The following CHCHD6 variants were observed in gnomAD, a reference collection of about 807,000 sequenced individuals.
The protein encoded by CHCHD6 is coiled-coil-helix-coiled-coil-helix domain containing 6.
Under a neutral mutation model 32.3 loss-of-function variants are expected in CHCHD6, and 28 were observed. The ratio of observed to expected loss-of-function variants is 0.87; its 90% CI spans 0.64 to 1.19. The LOEUF (loss-of-function observed/expected upper bound fraction) is 1.19. Among genes scored for constraint, CHCHD6 ranks in the 50% most tolerant of loss-of-function variants. The pLI is 0.00. For synonymous variants in CHCHD6, 122 were observed against 117.5 expected, an observed-to-expected ratio of 1.04 and a Z score of -0.25; for missense variants, 333 against 307.0, an observed-to-expected ratio of 1.08 and a Z score of -0.63.
At chr3:126,766,460 G>C (rs1200504422) in intron 4 of CHCHD6, 1 of 694,608 alleles carries the variant, frequency 1.4e-6, no homozygotes, top group Non-Finnish European at 2.7e-6. Context: ...TTGTATTCTG[G>C]TAGTTTCTTG....
chr3:126,834,598 G>A (rs770113951), intron 4 of CHCHD6, among the ~76,000 whole-genome samples: 3 of 152,134 alleles, frequency 2.0e-5, no homozygotes, highest in Non-Finnish European at 2.9e-5. Flanking sequence ...TGTGGTCTCC[G>A]TCAAGCCAAT....
At position 126,720,135 on chromosome 3, in the gene CHCHD6, G is replaced by T. The variant is rs1559802917; in HGVS notation, c.88-6943G>T. Reference sequence around the variant, plus strand: ...GACCTCAGGTGATCCACCTGCCTCGGCCTCCCAAAGAGCTGAGATTGGAGG... The same window carrying T: ...GACCTCAGGTGATCCACCTGCCTCGTCCTCCCAAAGAGCTGAGATTGGAGG... On this transcript the variant is annotated intron_variant, in intron 1 of 7. Transcript: ENST00000290913. Among the ~76,000 whole-genome samples, 4 of 152,178 alleles carry T rather than the reference G, an allele frequency of 2.6e-5. No individual in the cohort carries two copies. The South Asian group carries it at 8.3e-4, about 32-fold the overall frequency.
chr3:126,719,905 A>G (rs901780262), intron 1 of CHCHD6, among the ~76,000 whole-genome samples: 1 of 151,280 alleles, frequency 6.6e-6, no homozygotes, highest in African/African-American at 2.4e-5. Context: ...TTTGAGACAG[A>G]GTTTCACTCT....
At chr3:126,892,099 C>T (rs2077769584) in intron 5 of CHCHD6, among the ~76,000 whole-genome samples, 1 of 152,284 alleles carries the variant, frequency 6.6e-6, no homozygotes, top group East Asian at 1.9e-4. Context: ...GGACCCAAAA[C>T]CTCGGCTCTG....
chr3:126,938,855 C>T (rs997763901), intron 6 of CHCHD6, among the ~76,000 whole-genome samples: 8 of 152,100 alleles, frequency 5.3e-5, no homozygotes, highest in Non-Finnish European at 1.0e-4. Flanking sequence ...TTCCTGCCAC[C>T]GGCAGCGATC....
chr3:126,931,038 G>T (rs138506148), intron 6 of CHCHD6, among the ~76,000 whole-genome samples: 1 of 152,222 alleles, frequency 6.6e-6, no homozygotes. Flanking sequence ...CAGACTGGCT[G>T]CCCTGTCATC....
chr3:126,862,568 C>T (rs1221039863), intron 5 of CHCHD6, among the ~76,000 whole-genome samples: 3 of 139,348 alleles, frequency 2.2e-5, no homozygotes, highest in African/African-American at 2.7e-5. Flanking sequence ...TCCACCATCA[C>T]CACCTCCTCC....
intron 4 of CHCHD6, among the ~76,000 whole-genome samples, chr3:126,786,198 G>T (rs1340068845): frequency 1.3e-5 from 2 of 152,152 alleles, no homozygotes; most frequent in African/African-American, 4.8e-5. Flanking sequence ...TGGTGTATAT[G>T]TGCCACATTT....
intron 4 of CHCHD6, chr3:126,767,115 T>C: frequency 6.8e-7 from 1 of 1,460,710 alleles, no homozygotes; most frequent in Non-Finnish European, 9.6e-7. Flanking sequence ...CCATCCGAGT[T>C]GTGTCCCAGC....
At chr3:126,781,985 G>A (rs567927169) in intron 4 of CHCHD6, among the ~76,000 whole-genome samples, 1 of 152,286 alleles carries the variant, frequency 6.6e-6, no homozygotes, top group Admixed American at 6.5e-5. Context: ...AGAAACAGAT[G>A]TAAGATCTGC....
intron 1 of CHCHD6, among the ~76,000 whole-genome samples, chr3:126,709,764 A>T (rs1008566365): frequency 2.6e-5 from 4 of 152,198 alleles, no homozygotes; most frequent in Non-Finnish European, 5.9e-5. Flanking sequence ...GCGTCTCTTC[A>T]TGTGCCTATC....
intron 4 of CHCHD6, among the ~76,000 whole-genome samples, chr3:126,798,024 A>C (rs2107689165): frequency 6.6e-6 from 1 of 152,220 alleles, no homozygotes; most frequent in South Asian, 2.1e-4. Context: ...TGTGCATTTC[A>C]CCAGATTTCC....
intron 6 of CHCHD6, among the ~76,000 whole-genome samples, chr3:126,943,201 A>G (rs752210467): frequency 6.6e-6 from 1 of 151,864 alleles, no homozygotes; most frequent in Admixed American, 6.6e-5. Context: ...CCTCCTAATG[A>G]CGCCCCCCAC....
intron 1 of CHCHD6, among the ~76,000 whole-genome samples, chr3:126,715,876 A>C (rs530362792): frequency 3.9e-4 from 60 of 152,342 alleles, no homozygotes; most frequent in African/African-American, 1.4e-3. Context: ...CTGCAAGTAC[A>C]AATGAGATCA....
chr3:126,862,639 C>T (rs1289889206), intron 5 of CHCHD6, among the ~76,000 whole-genome samples: 3 of 82,078 alleles, frequency 3.7e-5, no homozygotes, highest in East Asian at 4.7e-4. Flanking sequence ...CACCACCTCA[C>T]CCTCTTCCAC....
At chr3:126,806,775 A>G (rs1385535670) in intron 4 of CHCHD6, among the ~76,000 whole-genome samples, 1 of 152,222 alleles carries the variant, frequency 6.6e-6, no homozygotes, top group African/African-American at 2.4e-5. Flanking sequence ...ACTATTCCCA[A>G]TAGCAAAGAC....
At chr3:126,884,239 C>T (rs2077650210) in intron 5 of CHCHD6, among the ~76,000 whole-genome samples, 1 of 152,014 alleles carries the variant, frequency 6.6e-6, no homozygotes, top group African/African-American at 2.4e-5. Flanking sequence ...CAGTAGGTGC[C>T]CATCACAGGC....
chr3:126,854,138 A>G (rs183049353), intron 5 of CHCHD6, among the ~76,000 whole-genome samples: 2 of 152,276 alleles, frequency 1.3e-5, no homozygotes, highest in Admixed American at 6.5e-5. Context: ...TTCTCCTCCT[A>G]GAAACCAAGT....
At chr3:126,724,874 A>C (rs1935461381) in intron 1 of CHCHD6, among the ~76,000 whole-genome samples, 1 of 152,200 alleles carries the variant, frequency 6.6e-6, no homozygotes, top group Non-Finnish European at 1.5e-5. Flanking sequence ...TCATCTGTTC[A>C]AATTTGATCC....
Sources: allele counts gnomAD v4.1 joint callset (sites outside exome capture counted in the v4.1 genomes callset), GRCh38; gene constraint gnomAD v4.1.1; transcripts MANE v1.5; gene names NCBI Gene and HGNC (gene_info 2026-07-23, HGNC 2026-07-21).